Variants in PLA2G4E observed in about 807,000 individuals in gnomAD.
The protein encoded by PLA2G4E is cytosolic phospholipase A2 epsilon.
Under a neutral mutation model 109.1 loss-of-function variants are expected in PLA2G4E, and 84 were observed. That is an observed-to-expected ratio of 0.77 (90% confidence interval 0.65 to 0.92). The LOEUF (loss-of-function observed/expected upper bound fraction) is 0.92. Among genes scored for constraint, PLA2G4E ranks in the 40% least tolerant of loss-of-function variants. PLA2G4E has a pLI of 0.00. For missense variants in PLA2G4E, 1,057 were observed against 1,076.6 expected (o/e 0.98, Z 0.25); for synonymous variants, 469 against 436.1 (o/e 1.08, Z -0.94).
At chr15:41,994,338 C>G (rs1034056129) in intron 12 of PLA2G4E, among the ~76,000 whole-genome samples, 1 of 152,196 alleles carries the variant, frequency 6.6e-6, no homozygotes, top group African/African-American at 2.4e-5. Context: ...CTTGGCTTTC[C>G]AAGGCCCATT....
At chr15:42,023,371 C>A (rs1415921158) in intron 1 of PLA2G4E, among the ~76,000 whole-genome samples, 3 of 150,698 alleles carry the variant, frequency 2.0e-5, no homozygotes, top group Admixed American at 1.3e-4. Flanking sequence ...TAATCATGAC[C>A]CTAAAAGGCC....
chr15:41,983,566 C>CCT (rs1204644640), exon 20 of PLA2G4E: 1 of 603,184 alleles, frequency 1.7e-6, no homozygotes, highest in Admixed American at 3.0e-5. Flanking sequence ...CAACAGAGCT[C>CCT]CTCTCTCTCT....
chr15:42,046,127 C>T (rs1403945303), intron 1 of PLA2G4E, among the ~76,000 whole-genome samples: 1 of 152,220 alleles, frequency 6.6e-6, no homozygotes, highest in Admixed American at 6.5e-5. Flanking sequence ...ACCAAGCCAC[C>T]TCCATTTCTC....
At chr15:42,012,887 G>A (rs2068551107) in intron 2 of PLA2G4E, among the ~76,000 whole-genome samples, 1 of 152,214 alleles carries the variant, frequency 6.6e-6, no homozygotes, top group African/African-American at 2.4e-5. Flanking sequence ...TGTGGGGCCT[G>A]GATATACAGC....
At position 42,019,056 on chromosome 15, in the gene PLA2G4E, C is replaced by T. The variant is rs559939532; in HGVS notation, c.184-5299G>A. 2.0e-3 allele frequency among the ~76,000 whole-genome samples: 299 copies of T among 152,286 alleles called. 9 individuals carry two copies. The South Asian group carries it at 0.059, about 30-fold the overall frequency. ...ATCCCTGCTTTACAGAGGGGAAGGCCGCGTTTAGAGAGATTACATCTCAAA... is the reference window on the plus strand; with the variant it reads ...ATCCCTGCTTTACAGAGGGGAAGGCTGCGTTTAGAGAGATTACATCTCAAA... On this transcript the variant is annotated intron_variant, in intron 1 of 19. Transcript: ENST00000399518.
chr15:41,994,551 A>G (rs2068307251), intron 12 of PLA2G4E, among the ~76,000 whole-genome samples: 1 of 152,134 alleles, frequency 6.6e-6, no homozygotes, highest in African/African-American at 2.4e-5. Flanking sequence ...TTTTTTAAAG[A>G]CAAGTCCTCC....
exon 13 of PLA2G4E, chr15:41,992,743 C>A (rs922358984): frequency 2.5e-6 from 4 of 1,611,106 alleles, no homozygotes; most frequent in Non-Finnish European, 3.4e-6. Context: ...CTACCTCGTC[C>A]CCCAGGCAGG....
intron 18 of PLA2G4E, among the ~76,000 whole-genome samples, chr15:41,985,341 A>G (rs957307223): frequency 1.3e-5 from 2 of 152,178 alleles, no homozygotes; most frequent in African/African-American, 4.8e-5. Context: ...ATACACATAG[A>G]ACTTTCCAAA....
chr15:42,010,239 G>T (rs9920824), intron 2 of PLA2G4E: 2 of 469,920 alleles, frequency 4.3e-6, no homozygotes, highest in Non-Finnish European at 8.6e-6. Context: ...TAATGCACTT[G>T]GCGCGCATGA....
chr15:41,992,153 T>C (rs1668582), intron 13 of PLA2G4E, among the ~76,000 whole-genome samples: 137,418 of 152,156 alleles, frequency 0.9, 62,330 homozygotes, highest in Non-Finnish European at 0.95. Context: ...CCTCCAACTG[T>C]AGAGAGTGTT....
At chr15:41,996,098 G>C (rs543742558) in intron 11 of PLA2G4E, among the ~76,000 whole-genome samples, 12 of 152,234 alleles carry the variant, frequency 7.9e-5, no homozygotes, top group African/African-American at 2.6e-4. Context: ...TGTAATCCCA[G>C]CACTTTGGGG....
intron 12 of PLA2G4E, among the ~76,000 whole-genome samples, chr15:41,993,906 T>C (rs2068292015): frequency 6.6e-6 from 1 of 152,200 alleles, no homozygotes; most frequent in South Asian, 2.1e-4. Flanking sequence ...AGAATACGAC[T>C]TGTGCTTTCC....
At chr15:42,028,560 C>T (rs1595575039) in intron 1 of PLA2G4E, among the ~76,000 whole-genome samples, 1 of 152,064 alleles carries the variant, frequency 6.6e-6, no homozygotes, top group East Asian at 1.9e-4. Flanking sequence ...GAGTGAGCCA[C>T]CACACTGGGC....
chr15:42,037,585 C>T (rs970141490), intron 1 of PLA2G4E, among the ~76,000 whole-genome samples: 18 of 152,326 alleles, frequency 1.2e-4, no homozygotes, highest in African/African-American at 3.8e-4. Flanking sequence ...GAACTTGGTA[C>T]CTGTCTAATG....
At chr15:42,021,714 C>G (rs2068650481) in intron 1 of PLA2G4E, among the ~76,000 whole-genome samples, 1 of 152,218 alleles carries the variant, frequency 6.6e-6, no homozygotes, top group African/African-American at 2.4e-5. Context: ...CAGATGATTC[C>G]TATCTCTAGC....
intron 6 of PLA2G4E, 75 bp downstream of exon 6, chr15:42,002,579 C>A: frequency 6.9e-7 from 1 of 1,459,122 alleles, no homozygotes. Flanking sequence ...ACTGTTTTCT[C>A]CCTTGGTCCT....
chr15:42,036,758 C>A (rs1462713054), intron 1 of PLA2G4E, among the ~76,000 whole-genome samples: 2 of 152,178 alleles, frequency 1.3e-5, no homozygotes, highest in Non-Finnish European at 2.9e-5. Flanking sequence ...GATGGAGCTG[C>A]ATGCTCCGCG....
chr15:42,007,737 G>A lies in PLA2G4E; in HGVS notation c.385C>T (p.Arg129Ter), dbSNP rs370777356. ...AGTCCTCCATGTCTCACCTTCACTC[G>A]GCTCTGGATCTGGAAGTTGAAGCTT... The change falls in exon 3 of 20, where the codon CGA becomes TGA. Residue 129 changes from arginine to a stop codon, truncating the protein, a stop_gained. Coordinates refer to ENST00000399518, the Ensembl canonical transcript of PLA2G4E. LOFTEE classifies it high-confidence loss of function. The A allele has an allele frequency of 4.5e-5, 72 of 1,612,032 alleles. No homozygotes were observed. The highest frequency in any genetic ancestry group is 5.9e-5 in the Non-Finnish European group (69 of 1,179,180).
exon 19 of PLA2G4E, chr15:41,984,449 T>C (rs1380711889): frequency 6.2e-7 from 1 of 1,612,926 alleles, no homozygotes; most frequent in Non-Finnish European, 8.5e-7. Flanking sequence ...GTGCCTTGTA[T>C]TTTCGGAAAG....
Sources: allele counts gnomAD v4.1 joint callset (sites outside exome capture counted in the v4.1 genomes callset), GRCh38; gene constraint gnomAD v4.1.1; transcripts MANE v1.5; gene names NCBI Gene and HGNC (gene_info 2026-07-23, HGNC 2026-07-21).